LAMA5: variants seen among roughly 807,000 people sequenced by gnomAD.
LAMA5 encodes laminin subunit alpha-5.
Under a neutral mutation model 433.4 loss-of-function variants are expected in LAMA5, and 260 were observed. The ratio of observed to expected loss-of-function variants is 0.60; its 90% CI spans 0.54 to 0.66. LAMA5 has a LOEUF of 0.66. Among genes scored for constraint, LAMA5 ranks in the 30% least tolerant of loss-of-function variants. LAMA5 has a pLI of 0.00. For missense variants in LAMA5, 5,378 were observed against 5,258.5 expected (o/e 1.02, Z -0.70); for synonymous variants, 2,620 against 2,226.6 (o/e 1.18, Z -4.97).
At chr20:62,322,500 A>G (rs946890178) in intron 46 of LAMA5, 51 bp from the exon 47 acceptor site, 15 of 1,531,200 alleles carry the variant, frequency 9.8e-6, no homozygotes, top group Non-Finnish European at 2.6e-6. Flanking sequence ...ACTGTCCCAG[A>G]CCAACCTGGA....
rs1471093130 is a variant in LAMA5 at position 62,355,222 on chromosome 20, C to CT, written c.451-1972_451-1971insA. 5 of 152,358 alleles carry CT rather than the reference C, an allele frequency of 3.3e-5. No homozygotes were observed. In the South Asian group the frequency reaches 6.2e-4, roughly 19 times the overall value. The allele number at this position is 152,358 out of a possible 1,614,324, so 9.4% of individuals were successfully genotyped here. On this transcript the variant is annotated intron_variant, in intron 2 of 79. Transcript: ENST00000252999. ...GGCCACCCACCACACCTCCTCGGGA[C>CT]CCTGACCCGCCAGTGCCCACTCCTC...
intron 56 of LAMA5, 22 bp downstream of exon 56, chr20:62,316,860 G>A: frequency 6.5e-7 from 1 of 1,530,360 alleles, no homozygotes; most frequent in Non-Finnish European, 8.8e-7. Flanking sequence ...TGCTGGGGCT[G>A]AGGGGAAGTG....
In LAMA5 at chr20:62,317,703, T is replaced by C; in HGVS notation, c.7315A>G (p.Ser2439Gly). 1 of 1,603,848 alleles carries C rather than the reference T, an allele frequency of 6.2e-7. No homozygotes were observed. Among genetic ancestry groups the C allele is most frequent in the East Asian group, 2.2e-5 (1 of 44,476 alleles). Residue 2439 changes from serine (S) to glycine (G), a missense_variant, in exon 54 of 80, where the codon AGC becomes GGC. Coordinates refer to ENST00000252999, the MANE Select transcript of LAMA5 (RefSeq NM_005560.6). ...TLHAARDTLASVFRLLHSLDQ... is the reference protein window; with the variant it reads ...TLHAARDTLAGVFRLLHSLDQ... ...AGGCTGTGCAGCAATCTGAAGACGC[T>C]GGCCAGGGTGTCCCTAGCCGCATGC...
chr20:62,322,310 C>T lies in LAMA5; in HGVS notation c.6305G>A (p.Cys2102Tyr), dbSNP rs1978388491. ...PGTMGPQCRE[C>Y]APGYWGLPEQ... ...AGGGAGCCCCCAGTAGCCAGGGGCA[C>T]ACTCGCGGCACTGGGGTCCCATGGT... Residue 2102 changes from cysteine (C) to tyrosine (Y), a missense_variant, in exon 47 of 80, where the codon TGT becomes TAT. Transcript: ENST00000252999. 1 of 1,599,918 alleles carries T rather than the reference C, an allele frequency of 6.3e-7. No homozygotes were observed. The highest frequency in any genetic ancestry group is 1.3e-5 in the African/African-American group (1 of 74,702).
At position 62,338,359 on chromosome 20, in the gene LAMA5, A is replaced by G; in HGVS notation, c.1629T>C (p.Cys543=). The change falls in exon 13 of 80, where the codon TGT becomes TGC. Residue 543 remains cysteine (C), a synonymous_variant. Coordinates refer to ENST00000252999, the MANE Select transcript of LAMA5 (RefSeq NM_005560.6). ...FYGPGCQPCQ[C]SSPGVADDRC... ...GGTCATCGGCCACTCCAGGGCTGGAACACTGGCAGGCTGCAGGAAAGGGTG... is the reference window on the plus strand; with the variant it reads ...GGTCATCGGCCACTCCAGGGCTGGAGCACTGGCAGGCTGCAGGAAAGGGTG... 6.2e-7 allele frequency: 1 copy of G among 1,608,802 alleles called. No individual in the cohort carries two copies. Among genetic ancestry groups the G allele is most frequent in the Non-Finnish European group, 8.5e-7 (1 of 1,177,758 alleles).
intron 2 of LAMA5, among the ~76,000 whole-genome samples, chr20:62,360,243 A>T (rs1985826021): frequency 7.6e-6 from 1 of 131,322 alleles, no homozygotes. Flanking sequence ...GCAGGTGTGG[A>T]GGGAGGAATG....
Position 62,352,090 on chromosome 20 carries a change from T to C in LAMA5, c.688-11A>G, listed in dbSNP as rs1354711473. The C allele has an allele frequency of 3.1e-6, 5 of 1,610,448 alleles. No individual in the cohort carries two copies. The highest frequency in any genetic ancestry group is 4.2e-6 in the Non-Finnish European group (5 of 1,179,614). ...CAGGGACACCACGATCTGTGGGCAG[T>C]ATGCGGTGACGCCAGTGTGGCCCTA... On this transcript the variant is annotated splice_polypyrimidine_tract_variant and intron_variant, in intron 4 of 79. Coordinates refer to ENST00000252999, the MANE Select transcript of LAMA5 (RefSeq NM_005560.6).
chr20:62,318,709 G>A (rs1987324432), intron 52 of LAMA5, 59 bp from the exon 53 acceptor site: 5 of 1,584,890 alleles, frequency 3.2e-6, no homozygotes, highest in East Asian at 2.3e-5. Flanking sequence ...CATGACCCCT[G>A]GTCTCCACTT....
chr20:62,333,711 G>A lies in LAMA5; in HGVS notation c.2879-5C>T, dbSNP rs773033797. The A allele has an allele frequency of 3.2e-6, 5 of 1,580,264 alleles. No individual in the cohort carries two copies. Among genetic ancestry groups the A allele is most frequent in the Non-Finnish European group, 3.4e-6 (4 of 1,164,316 alleles). Reference sequence around the variant, plus strand: ...CGGGCTGACTCTGTGCTGTGCCTGGGCGGGGGCAGGGGTGAGACTCCTGAG... The same window carrying A: ...CGGGCTGACTCTGTGCTGTGCCTGGACGGGGGCAGGGGTGAGACTCCTGAG... On this transcript the variant is annotated splice_region_variant and splice_polypyrimidine_tract_variant and intron_variant, in intron 23 of 79. Coordinates refer to ENST00000252999, the MANE Select transcript of LAMA5 (RefSeq NM_005560.6).
rs138911953 is a variant in LAMA5 at position 62,351,981 on chromosome 20, G to A, written c.786C>T (p.Arg262=). The A allele has an allele frequency of 2.8e-5, 45 of 1,612,546 alleles. No homozygotes were observed. In the Middle Eastern group the frequency reaches 4.9e-4, roughly 18 times the overall value. The change falls in exon 5 of 80, where the codon CGC becomes CGT. Residue 262 remains arginine, a synonymous_variant. Coordinates refer to ENST00000252999, the MANE Select transcript of LAMA5 (RefSeq NM_005560.6). The part of the protein sequence containing the change: ...EFTKATNVRL[R]FLRTNTLLGH... ...CCAGCAGCGTGTTGGTACGCAGGAAGCGCAGGCGGACGTTGGTGGCCTTGG... is the reference window on the plus strand; with the variant it reads ...CCAGCAGCGTGTTGGTACGCAGGAAACGCAGGCGGACGTTGGTGGCCTTGG...
At chr20:62,363,032 C>G (rs1986325556) in intron 1 of LAMA5, among the ~76,000 whole-genome samples, 1 of 152,148 alleles carries the variant, frequency 6.6e-6, no homozygotes, top group African/African-American at 2.4e-5. Context: ...CCTGCTGGCC[C>G]TGCCAGGGGC....
In LAMA5 at chr20:62,321,877, T is replaced by TG; in HGVS notation, c.6496+141dup. The stretch of plus-strand genomic sequence containing the variant: ...CAGCGCTCCTCAGCGTGGTTGGAGT[T>TG]GGACAGGCATGGGTCTCTCGGGAAA... On this transcript the variant is annotated intron_variant, in intron 48 of 79. Coordinates refer to ENST00000252999, the MANE Select transcript of LAMA5 (RefSeq NM_005560.6). 20 of 807,962 alleles carry TG rather than the reference T, an allele frequency of 2.5e-5. No individual in the cohort carries two copies. In the South Asian group the frequency reaches 3.0e-4, roughly 12 times the overall value. The allele number at this position is 807,962 out of a possible 1,614,324, so 50.0% of individuals were successfully genotyped here.
At chr20:62,313,513 G>A (rs1044042954) in intron 63 of LAMA5, 53 bp from the exon 64 acceptor site, 1 of 1,561,972 alleles carries the variant, frequency 6.4e-7, no homozygotes, top group Admixed American at 1.9e-5. Flanking sequence ...CTCCCCTCCA[G>A]GATGGACCAA....
chr20:62,330,169 C>T (rs116883118), intron 31 of LAMA5, among the ~76,000 whole-genome samples: 6,965 of 152,342 alleles, frequency 0.046, 287 homozygotes, highest in South Asian at 0.16. Flanking sequence ...CAGGCTTGGC[C>T]GAGCCAGGAA....
intron 32 of LAMA5, among the ~76,000 whole-genome samples, 185 bp downstream of exon 32, chr20:62,329,592 T>TCCAGGGC (rs1979971666): frequency 6.6e-6 from 1 of 152,024 alleles, no homozygotes; most frequent in Admixed American, 6.6e-5. Context: ...GGGTGCAGGG[T>TCCAGGGC]CCAGGGCCCC....
intron 40 of LAMA5, among the ~76,000 whole-genome samples, chr20:62,325,799 G>A (rs112421766): frequency 6.6e-6 from 1 of 152,184 alleles, no homozygotes; most frequent in South Asian, 2.1e-4. Context: ...CAAGCTTCTA[G>A]AAGAAAACAT....
chr20:62,329,273 C>A lies in LAMA5; in HGVS notation c.4120-20G>T. ...ATAATCCTAGGGGGTGAGGCCTGGTCACTCTCCCGCGGGCCCAGAGCCTGC... is the reference window on the plus strand; with the variant it reads ...ATAATCCTAGGGGGTGAGGCCTGGTAACTCTCCCGCGGGCCCAGAGCCTGC... On this transcript the variant is annotated intron_variant, in intron 32 of 79. Coordinates refer to ENST00000252999, the MANE Select transcript of LAMA5 (RefSeq NM_005560.6). 3 of 1,571,254 alleles carry A rather than the reference C, an allele frequency of 1.9e-6. No individual in the cohort carries two copies. In the South Asian group the frequency reaches 3.3e-5, roughly 17 times the overall value.
In LAMA5 at chr20:62,327,626, G is replaced by A; in HGVS notation, c.4841C>T (p.Thr1614Ile). 1.2e-6 allele frequency: 2 copies of A among 1,613,196 alleles called. No individual in the cohort carries two copies. The highest frequency in any genetic ancestry group is 1.7e-6 in the Non-Finnish European group (2 of 1,180,010). Residue 1614 changes from threonine (T) to isoleucine (I), a missense_variant, in exon 37 of 80, where the codon ACC (threonine) becomes ATC (isoleucine). Physicochemically the swap from Thr to Ile is moderately conservative, Grantham distance 89 (BLOSUM62 -1). Coordinates refer to ENST00000252999, the MANE Select transcript of LAMA5 (RefSeq NM_005560.6). ...GGGGTTGGCAGCATCCAGTGAGAAG[G>A]TCCCAAGGCTGCACTGGTCACATTT... ...GPKCDQCSLG[T>I]FSLDAANPKG...
In LAMA5 at chr20:62,330,483, C is replaced by T. The variant is rs770637723; in HGVS notation, c.3979+5G>A. 1.9e-6 allele frequency: 3 copies of T among 1,542,342 alleles called. No individual in the cohort carries two copies. In the Admixed American group the frequency reaches 6.1e-5, roughly 31 times the overall value. ...GCCTCTCCACCCCCCACACCAGACACTCACCCTGCCACACGCGGCCGGCGT... is the reference window on the plus strand; with the variant it reads ...GCCTCTCCACCCCCCACACCAGACATTCACCCTGCCACACGCGGCCGGCGT... On this transcript the variant is annotated splice_donor_5th_base_variant and intron_variant, in intron 31 of 79. Coordinates refer to ENST00000252999, the MANE Select transcript of LAMA5 (RefSeq NM_005560.6).
Sources: allele counts gnomAD v4.1 joint callset (sites outside exome capture counted in the v4.1 genomes callset), GRCh38; gene constraint gnomAD v4.1.1; transcripts MANE v1.5; gene names NCBI Gene and HGNC (gene_info 2026-07-23, HGNC 2026-07-21).